PLA2G5: variants seen among roughly 807,000 people sequenced by gnomAD.
The protein encoded by PLA2G5 is Ca2+-dependent phospholipase A2.
A neutral mutation model predicts 15.9 loss-of-function variants in PLA2G5; 12 were observed. The ratio of observed to expected loss-of-function variants is 0.76; its 90% CI spans 0.48 to 1.23. The LOEUF (loss-of-function observed/expected upper bound fraction) is 1.23. Among genes scored for constraint, PLA2G5 ranks in the 50% most tolerant of loss-of-function variants. PLA2G5 has a pLI of 0.00. For synonymous variants in PLA2G5, 71 were observed against 71.4 expected (o/e 0.99, Z 0.03); for missense variants, 169 against 177.1 (o/e 0.95, Z 0.26).
intron 1 of PLA2G5, among the ~76,000 whole-genome samples, chr1:20,029,872 C>A (rs1261740305): frequency 6.6e-6 from 1 of 152,158 alleles, no homozygotes; most frequent in Non-Finnish European, 1.5e-5. Flanking sequence ...AACTTGCCTG[C>A]AGGCAAAGAT....
Position 20,087,693 on chromosome 1 carries a change from T to C in PLA2G5, c.185+1466T>C, listed in dbSNP as rs11573271. Reference sequence around the variant, plus strand: ...AGGCCCCTTCCAAGTCATATATATATATACAGGGTTCCTTGAAGAAATGGT... The same window carrying C: ...AGGCCCCTTCCAAGTCATATATATACATACAGGGTTCCTTGAAGAAATGGT... On this transcript the variant is annotated intron_variant, in intron 3 of 4. Transcript: ENST00000375108. Among the ~76,000 whole-genome samples, 975 of 152,110 alleles carry C rather than the reference T, an allele frequency of 6.4e-3. 3 individuals are homozygous for C. Among genetic ancestry groups the C allele is most frequent in the East Asian group, 0.018 (92 of 5,174 alleles).
chr1:20,031,906 A>T (rs2012970973), intron 1 of PLA2G5, among the ~76,000 whole-genome samples: 1 of 152,048 alleles, frequency 6.6e-6, no homozygotes, highest in Non-Finnish European at 1.5e-5. Flanking sequence ...TGGGGCAAGT[A>T]AGTGTTTGTG....
upstream of PLA2G5, chr1:20,069,163 G>T (rs150849422): frequency 2.1e-4 from 85 of 401,338 alleles, no homozygotes; most frequent in African/African-American, 1.6e-3. Flanking sequence ...CTATGGTGCC[G>T]CTAGGAATGT....
At chr1:20,043,900 A>T (rs2013751802) in intron 1 of PLA2G5, among the ~76,000 whole-genome samples, 1 of 152,200 alleles carries the variant, frequency 6.6e-6, no homozygotes, top group African/African-American at 2.4e-5. Context: ...GAAGCTAGGC[A>T]TGCGTGATGG....
At chr1:20,031,823 G>A (rs2012964535) in intron 1 of PLA2G5, among the ~76,000 whole-genome samples, 1 of 152,120 alleles carries the variant, frequency 6.6e-6, no homozygotes, top group African/African-American at 2.4e-5. Flanking sequence ...GGGAGGAGGA[G>A]AAGTCTGTGA....
rs778481664 is a variant in PLA2G5, at chr1:20,089,906, G to A, written c.292+11G>A. 6.3e-7 allele frequency: 1 copy of A among 1,599,704 alleles called. No individual in the cohort carries two copies. On this transcript the variant is annotated intron_variant, in intron 4 of 4. Coordinates refer to ENST00000375108, the MANE Select transcript of PLA2G5 (RefSeq NM_000929.3). The stretch of plus-strand genomic sequence containing the variant: ...GCGTGGTCACCTGCGGTAAGGCTGG[G>A]GCTTCCCGTTCGGGCCATTGGAAGA...
intron 1 of PLA2G5, chr1:20,054,801 C>T (rs1218784361): frequency 1.3e-5 from 2 of 152,122 alleles, no homozygotes; most frequent in South Asian, 2.1e-4. Flanking sequence ...GTTATATCTT[C>T]TGGACAGATT....
At chr1:20,055,573 T>C (rs2014392637) in intron 1 of PLA2G5, among the ~76,000 whole-genome samples, 1 of 152,160 alleles carries the variant, frequency 6.6e-6, no homozygotes, top group Non-Finnish European at 1.5e-5. Context: ...GATAACCCCT[T>C]CTAGTAGACC....
chr1:20,057,917 C>G (rs2014517844), intron 1 of PLA2G5, among the ~76,000 whole-genome samples: 2 of 151,966 alleles, frequency 1.3e-5, no homozygotes, highest in South Asian at 4.1e-4. Context: ...GTTTAATCTC[C>G]AATTATTCTG....
At chr1:20,069,382 C>T (rs1432616351), upstream of PLA2G5, among the ~76,000 whole-genome samples, 1 of 152,098 alleles carries the variant, frequency 6.6e-6, no homozygotes, top group Admixed American at 6.6e-5. Context: ...AAAGAAGAAA[C>T]CAGATTAAGT....
rs529616769 is a variant in PLA2G5, at chr1:20,071,490, T to A, written c.-11+1025T>A. Among the ~76,000 whole-genome samples, 5 of 152,278 alleles carry A rather than the reference T, an allele frequency of 3.3e-5. No individual in the cohort carries two copies. In the South Asian group the frequency reaches 1.0e-3, roughly 32 times the overall value. ...AAAAGACACTGTCCCTGTCCGCAGGTTGCTCACAGCCTGGTGGGAGAGACA... is the reference window on the plus strand; with the variant it reads ...AAAAGACACTGTCCCTGTCCGCAGGATGCTCACAGCCTGGTGGGAGAGACA... On this transcript the variant is annotated intron_variant, in intron 1 of 4. Coordinates refer to ENST00000375108, the MANE Select transcript of PLA2G5 (RefSeq NM_000929.3).
chr1:20,079,790 T>C (rs2015904642), intron 1 of PLA2G5, among the ~76,000 whole-genome samples: 1 of 152,194 alleles, frequency 6.6e-6, no homozygotes, highest in Non-Finnish European at 1.5e-5. Context: ...AGATACTAAG[T>C]GGCTGAGCTG....
chr1:20,068,120 AAAAAAATAAAT>A (rs2015148467), upstream of PLA2G5, among the ~76,000 whole-genome samples: 1 of 152,174 alleles, frequency 6.6e-6, no homozygotes, highest in Non-Finnish European at 1.5e-5. Flanking sequence ...CTCCGTCTCA[AAAAAAATAAAT>A]AAAAAATAAA....
intron 1 of PLA2G5, among the ~76,000 whole-genome samples, chr1:20,077,913 G>A (rs1009429304): frequency 2.0e-5 from 3 of 152,146 alleles, no homozygotes; most frequent in Admixed American, 1.3e-4. Flanking sequence ...TTCTCTGTCC[G>A]GGACACCCCC....
chr1:20,041,734 T>C (rs1193983640), intron 1 of PLA2G5, among the ~76,000 whole-genome samples: 1 of 152,132 alleles, frequency 6.6e-6, no homozygotes, highest in Non-Finnish European at 1.5e-5. Flanking sequence ...GAAGGAGATA[T>C]TTTCCTTGGT....
chr1:20,063,982 C>G (rs1362545889), intron 2 of PLA2G5, among the ~76,000 whole-genome samples: 1 of 152,182 alleles, frequency 6.6e-6, no homozygotes, highest in African/African-American at 2.4e-5. Flanking sequence ...TGGCAGTGAC[C>G]TTGATCGCCT....
intron 1 of PLA2G5, among the ~76,000 whole-genome samples, chr1:20,039,826 C>T (rs1460819861): frequency 6.6e-6 from 1 of 152,174 alleles, no homozygotes; most frequent in Non-Finnish European, 1.5e-5. Flanking sequence ...AATAGACCTT[C>T]AGCATTAGCT....
chr1:20,063,501 GAACTAGACTCTT>G (rs11275609), intron 2 of PLA2G5: 18,709 of 152,202 alleles, frequency 0.12, 1,369 homozygotes, highest in Admixed American at 0.23. Flanking sequence ...TGCCCCTCCA[GAACTAGACTCTT>G]CCTTGGCTTT....
chr1:20,059,344 C>T (rs1054225198), intron 1 of PLA2G5, among the ~76,000 whole-genome samples: 4 of 151,850 alleles, frequency 2.6e-5, no homozygotes, highest in Non-Finnish European at 4.4e-5. Context: ...GGGAGGATAG[C>T]TTGAGCCTAG....
Sources: allele counts gnomAD v4.1 joint callset (sites outside exome capture counted in the v4.1 genomes callset), GRCh38; gene constraint gnomAD v4.1.1; transcripts MANE v1.5; gene names NCBI Gene and HGNC (gene_info 2026-07-23, HGNC 2026-07-21).